Variants in NADK observed in about 807,000 individuals in gnomAD.
The protein encoded by NADK is poly(P)/ATP NAD kinase.
NADK carries 22 observed loss-of-function variants against 49.8 expected under a neutral mutation model. The observed-to-expected ratio is 0.44, with a 90% CI of 0.32 to 0.63. NADK has a LOEUF of 0.63. Ranked by LOEUF, NADK falls within the 30% of genes least tolerant of loss-of-function variation. The pLI is 0.06. For missense variants in NADK, 438 were observed against 609.4 expected (o/e 0.72, Z 2.96); for synonymous variants, 268 against 253.7 (o/e 1.06, Z -0.54).
rs78973902 is a variant in NADK at position 1,753,334 on chromosome 1, C to A, written c.1184+233G>T. ...GGTGGGTGGGGGTGGGCAGCAGTGC[C>A]AGGGGGGACACCCTCAGGCCTCTGC... On this transcript the variant is annotated intron_variant, in intron 11 of 11. Transcript: ENST00000341426. Among the ~76,000 whole-genome samples, 1,254 of 152,222 alleles carry A rather than the reference C, an allele frequency of 8.2e-3. 20 individuals are homozygous for A. The highest frequency in any genetic ancestry group is 0.029 in the African/African-American group (1,218 of 41,548).
chr1:1,775,237 T>C (rs1485130687), intron 1 of NADK, among the ~76,000 whole-genome samples: 1 of 152,158 alleles, frequency 6.6e-6, no homozygotes, highest in Non-Finnish European at 1.5e-5. Flanking sequence ...AATAAATAAA[T>C]GTGCAAAGAA....
At chr1:1,753,180 G>GC in intron 11 of NADK, 120 bp from the exon 12 acceptor site, 1 of 1,275,372 alleles carries the variant, frequency 7.8e-7, no homozygotes, top group Non-Finnish European at 1.1e-6. Context: ...GGGCCGGGCA[G>GC]CCCCTCCCCG....
At chr1:1,753,482 TACAGGCCA>T (rs895501779) in intron 11 of NADK, 77 bp downstream of exon 11, 4 of 1,169,868 alleles carry the variant, frequency 3.4e-6, no homozygotes, top group Non-Finnish European at 1.2e-6. Context: ...AAGCTGTGTC[TACAGGCCA>T]ACCGCAAGAG....
intron 1 of NADK, among the ~76,000 whole-genome samples, chr1:1,770,324 T>A (rs1014140443): frequency 1.1e-4 from 17 of 151,788 alleles, no homozygotes; most frequent in Middle Eastern, 3.2e-3. Context: ...AAATAAAAGG[T>A]ACAGTGACAG....
chr1:1,762,287 A>G (rs17162854), intron 2 of NADK, among the ~76,000 whole-genome samples: 61,131 of 152,082 alleles, frequency 0.4, 14,827 homozygotes, highest in Admixed American at 0.55. Flanking sequence ...GGAGAGCTTC[A>G]GCCCAAACAA....
At position 1,753,054 on chromosome 1, in the gene NADK, G is replaced by A. The variant is rs1645377599; in HGVS notation, c.1191C>T (p.Ser397=). ...GGAGCGGGTAGCATGAGGTAGTGAT[G>A]CTGATGCTGGGACGGGAGAGCAGCA... The part of the protein sequence containing the change: ...RQEIRHGDSI[S]ITTSCYPLPS... The change falls in exon 12 of 12, where the codon AGC becomes AGT. Residue 397 remains serine (S), a synonymous_variant. Transcript: ENST00000341426. 4 of 1,608,982 alleles carry A rather than the reference G, an allele frequency of 2.5e-6. No homozygotes were observed. The highest frequency in any genetic ancestry group is 1.7e-5 in the Admixed American group (1 of 59,428).
intron 1 of NADK, among the ~76,000 whole-genome samples, chr1:1,771,924 C>G (rs1234696878): frequency 6.6e-6 from 1 of 151,624 alleles, no homozygotes; most frequent in African/African-American, 2.4e-5. Flanking sequence ...CCTCCCACTT[C>G]AGCCTCCCAA....
chr1:1,761,790 G>T, intron 3 of NADK, 162 bp downstream of exon 3: 1 of 635,252 alleles, frequency 1.6e-6, no homozygotes. Context: ...ACCTAAACAT[G>T]TACTTCTCAC....
At chr1:1,763,866 A>C (rs775851031) in intron 2 of NADK, among the ~76,000 whole-genome samples, 32 of 152,158 alleles carry the variant, frequency 2.1e-4, no homozygotes, top group Non-Finnish European at 3.7e-4. Context: ...TCAGGTTCAG[A>C]ATGCAACAGA....
chr1:1,755,425 TCAGGAAGCC>T lies in NADK; in HGVS notation c.628_636del (p.Gly210_Leu212del). On this transcript the variant is annotated inframe_deletion, in exon 7 of 12. Coordinates refer to ENST00000341426, the MANE Select transcript of NADK (RefSeq NM_023018.5). ...TGAAAGTTCTCAAAGCTGAATGGGG[TCAGGAAGCC>T]CAGGGAGCCCAGGTGGAAGGCCATG... The T allele has an allele frequency of 1.2e-6, 2 of 1,613,672 alleles. No individual in the cohort carries two copies. The highest frequency in any genetic ancestry group is 1.7e-6 in the Non-Finnish European group (2 of 1,179,930).
chr1:1,779,839 G>A (rs1207142890), upstream of NADK: 1 of 152,362 alleles, frequency 6.6e-6, no homozygotes, highest in African/African-American at 2.4e-5. Context: ...TACTTTCTGT[G>A]TGATCACCTG....
chr1:1,768,947 T>C (rs1227144992), intron 1 of NADK, among the ~76,000 whole-genome samples: 2 of 152,208 alleles, frequency 1.3e-5, no homozygotes, highest in Admixed American at 1.3e-4. Context: ...TCTGGCTGCA[T>C]TCTACAATCA....
At position 1,754,844 on chromosome 1, in the gene NADK, T is replaced by G. The variant is rs964341536; in HGVS notation, c.689-146A>C. 6.7e-6 allele frequency: 5 copies of G among 740,890 alleles called. No homozygotes were observed. The highest frequency in any genetic ancestry group is 1.1e-5 in the Non-Finnish European group (5 of 468,940). The allele number at this position is 740,890 out of a possible 1,614,324, so 45.9% of individuals were successfully genotyped here. On this transcript the variant is annotated intron_variant, in intron 7 of 11. Coordinates refer to ENST00000341426, the MANE Select transcript of NADK (RefSeq NM_023018.5). This position sits in a 1 kb window ranked among gnomAD's most constrained non-coding sequence, Gnocchi z 4.3. ...GTGCCTTTTTCTTTTTATTTTGAGA[T>G]GGAGTCTCACTCTGTCACCCAGGCT... is the stretch of plus-strand genomic sequence containing the variant.
At chr1:1,774,277 C>T (rs954005040) in intron 1 of NADK, among the ~76,000 whole-genome samples, 1 of 151,972 alleles carries the variant, frequency 6.6e-6, no homozygotes, top group Non-Finnish European at 1.5e-5. Context: ...GTTGTCCAGG[C>T]TGGAGTGCAG....
chr1:1,776,815 G>A (rs1055266984), intron 1 of NADK, among the ~76,000 whole-genome samples: 13 of 150,054 alleles, frequency 8.7e-5, no homozygotes, highest in Non-Finnish European at 1.0e-4. Context: ...AGTGGCTTAC[G>A]TCTGTAAGAT....
chr1:1,772,038 G>A (rs1283822189), intron 1 of NADK, among the ~76,000 whole-genome samples: 1 of 151,638 alleles, frequency 6.6e-6, no homozygotes, highest in Non-Finnish European at 1.5e-5. Flanking sequence ...CAAACTCCTG[G>A]TCTCAAGTGA....
intron 3 of NADK, among the ~76,000 whole-genome samples, chr1:1,760,963 GGGACTACAGGTGTGTGCAAC>G (rs1645703789): frequency 6.6e-6 from 1 of 152,144 alleles, no homozygotes; most frequent in Non-Finnish European, 1.5e-5. Flanking sequence ...CTTGGCAACT[GGGACTACAGGTGTGTGCAAC>G]GATGCCTGCT....
In NADK at chr1:1,754,769, G is replaced by T; in HGVS notation, c.689-71C>A. ...GGGGTCAGGGGCCCCACCCCAGGGAGGCCAGTGGGAGTCAGAGGGCTCTTT... is the reference window on the plus strand; with the variant it reads ...GGGGTCAGGGGCCCCACCCCAGGGATGCCAGTGGGAGTCAGAGGGCTCTTT... On this transcript the variant is annotated intron_variant, in intron 7 of 11. Coordinates refer to ENST00000341426, the MANE Select transcript of NADK (RefSeq NM_023018.5). This position sits in a 1 kb window ranked among gnomAD's most constrained non-coding sequence, Gnocchi z 4.3. The T allele has an allele frequency of 6.9e-7, 1 of 1,456,158 alleles. No individual in the cohort carries two copies. 90.2% of individuals were successfully genotyped at this position (1,456,158 alleles called of 1,614,324 possible). A position where few individuals can be genotyped will look rare whatever the true frequency, so the allele number is the denominator to read the frequency against.
In NADK at chr1:1,753,638, T is replaced by G; in HGVS notation, c.1113A>C (p.Ser371=). The change falls in exon 11 of 12, where the codon TCA becomes TCC. Residue 371 remains serine (S), a synonymous_variant. Coordinates refer to ENST00000341426, the MANE Select transcript of NADK (RefSeq NM_023018.5). ...CCCATGCTGTGTTCCTTGCTTCAGGTGACAGCATGATCTGAGGGTCAAGCA... is the reference window on the plus strand; with the variant it reads ...CCCATGCTGTGTTCCTTGCTTCAGGGGACAGCATGATCTGAGGGTCAAGCA... ...PAGVELKIML[S]PEARNTAWVS... is the part of the protein sequence containing the mutation. The G allele has an allele frequency of 6.2e-7, 1 of 1,610,084 alleles. No homozygotes were observed. Among genetic ancestry groups the G allele is most frequent in the Non-Finnish European group, 8.5e-7 (1 of 1,177,772 alleles).
Sources: allele counts gnomAD v4.1 joint callset (sites outside exome capture counted in the v4.1 genomes callset), GRCh38; gene constraint gnomAD v4.1.1; non-coding constraint Gnocchi (gnomAD v3.1); transcripts MANE v1.5; gene names NCBI Gene and HGNC (gene_info 2026-07-23, HGNC 2026-07-21).